Variants in RGMB observed in about 807,000 individuals in gnomAD.
The protein encoded by RGMB is repulsive guidance molecule B.
Under a neutral mutation model 26.9 loss-of-function variants are expected in RGMB, and 16 were observed. The observed-to-expected ratio is 0.60, with a 90% CI of 0.40 to 0.90. RGMB has a LOEUF of 0.90. RGMB is among the 40% of genes least tolerant of loss of function. The pLI, the probability that RGMB is intolerant of heterozygous loss-of-function variation, is 0.00. For missense variants in RGMB, 512 were observed against 573.3 expected (o/e 0.89, Z 1.09); for synonymous variants, 225 against 229.3 (o/e 0.98, Z 0.17).
intron 2 of RGMB, among the ~76,000 whole-genome samples, chr5:98,791,928 A>AT (rs570145007): frequency 6.6e-6 from 1 of 152,110 alleles, no homozygotes; most frequent in East Asian, 1.9e-4. Context: ...ATTATTAGTA[A>AT]TTTTTTTTCT....
At chr5:98,773,217 A>T (rs1420052066), upstream of RGMB, 1 of 151,146 alleles carries the variant, frequency 6.6e-6, no homozygotes, top group Non-Finnish European at 1.5e-5. Flanking sequence ...TGGCAGGGCC[A>T]GGGCAGGGAG....
chr5:98,779,515 T>C, intron 1 of RGMB, 65 bp from the exon 2 acceptor site: 1 of 1,417,156 alleles, frequency 7.1e-7, no homozygotes, highest in Non-Finnish European at 9.4e-7. Flanking sequence ...CAATGTGATT[T>C]TCTCATGTAG....
upstream of RGMB, chr5:98,770,510 G>A (rs2112324110): frequency 1.8e-6 from 1 of 541,330 alleles, no homozygotes; most frequent in Non-Finnish European, 2.9e-6. Context: ...TCTACGAGCG[G>A]GTGATGAGCC....
chr5:98,786,022 TA>T (rs1294987135), intron 2 of RGMB, among the ~76,000 whole-genome samples: 1 of 152,242 alleles, frequency 6.6e-6, no homozygotes, highest in African/African-American at 2.4e-5. Context: ...GGGAAATTGC[TA>T]GCTGTGTAAT....
Position 98,793,663 on chromosome 5 carries a change from C to A in RGMB, c.1224C>A (p.Phe408Leu). The A allele has an allele frequency of 6.2e-7, 1 of 1,613,862 alleles. No individual in the cohort carries two copies. Among genetic ancestry groups the A allele is most frequent in the East Asian group, 2.2e-5 (1 of 44,876 alleles). Reference protein sequence around the residue: ...LHPRKERWHIFPSSGNGTPRG... With the variant: ...LHPRKERWHILPSSGNGTPRG... Reference sequence around the variant, plus strand: ...CAAGGAAGGAACGCTGGCACATTTTCCCCAGCAGTGGCAATGGGACTCCCC... The same window carrying A: ...CAAGGAAGGAACGCTGGCACATTTTACCCAGCAGTGGCAATGGGACTCCCC... Residue 408 changes from phenylalanine (F) to leucine (L), a missense_variant, in exon 3 of 3, where the codon TTC (phenylalanine) becomes TTA (leucine). Transcript: ENST00000513185.
In RGMB at chr5:98,793,512, G is replaced by C; in HGVS notation, c.1073G>C (p.Cys358Ser). ...GYTLETANTQ[C>S]HEKMPVKDIY... Reference sequence around the variant, plus strand: ...ACACTGGAGACTGCCAACACTCAATGCCATGAGAAGATGCCAGTGAAGGAC... The same window carrying C: ...ACACTGGAGACTGCCAACACTCAATCCCATGAGAAGATGCCAGTGAAGGAC... Residue 358 changes from cysteine (C) to serine (S), a missense_variant, in exon 3 of 3, where the codon TGC becomes TCC. Physicochemically the swap from Cys to Ser is moderately radical, Grantham distance 112 (BLOSUM62 -1). Transcript: ENST00000513185. The C allele has an allele frequency of 6.2e-7, 1 of 1,613,908 alleles. No individual in the cohort carries two copies. Among genetic ancestry groups the C allele is most frequent in the Middle Eastern group, 1.7e-4 (1 of 6,058 alleles).
At chr5:98,769,258 G>C (rs1269169092), upstream of RGMB, 1 of 152,252 alleles carries the variant, frequency 6.6e-6, no homozygotes, top group Non-Finnish European at 1.5e-5. Flanking sequence ...GCGATATAGG[G>C]GTTGCCGGGG....
intron 2 of RGMB, chr5:98,792,769 C>G (rs576485588): frequency 5.2e-4 from 76 of 147,382 alleles, no homozygotes; most frequent in Admixed American, 2.1e-3. Context: ...GACCCTGTCA[C>G]TTAAAAAAAA....
In RGMB at chr5:98,793,514, C is replaced by T. The variant is rs1359276467; in HGVS notation, c.1075C>T (p.His359Tyr). The T allele has an allele frequency of 1.2e-6, 2 of 1,613,938 alleles. No homozygotes were observed. Among genetic ancestry groups the T allele is most frequent in the South Asian group, 1.1e-5 (1 of 91,054 alleles). ...YTLETANTQC[H>Y]EKMPVKDIYF... ...ACTGGAGACTGCCAACACTCAATGC[C>T]ATGAGAAGATGCCAGTGAAGGACAT... The change falls in exon 3 of 3, where the codon CAT becomes TAT. Residue 359 changes from histidine (H) to tyrosine (Y), a missense_variant. By Grantham distance (83) the His-to-Tyr change is moderately conservative. Coordinates refer to ENST00000513185, the MANE Select transcript of RGMB (RefSeq NM_001366508.1).
At chr5:98,783,053 C>G (rs75587303) in intron 2 of RGMB, among the ~76,000 whole-genome samples, 6,298 of 152,248 alleles carry the variant, frequency 0.041, 163 homozygotes, top group Non-Finnish European at 0.065. Context: ...CCACCATGGC[C>G]CTCTCCTCCC....
chr5:98,770,389 G>C, upstream of RGMB: 1 of 394,352 alleles, frequency 2.5e-6, no homozygotes. Context: ...AAATGGACAG[G>C]AAGCGCATTA....
Position 98,774,157 on chromosome 5 carries a change from G to A in RGMB, c.87G>A (p.Pro29=). The A allele has an allele frequency of 6.7e-7, 1 of 1,498,566 alleles. No individual in the cohort carries two copies. Among genetic ancestry groups the A allele is most frequent in the East Asian group, 2.7e-5 (1 of 36,364 alleles). 92.8% of individuals were successfully genotyped at this position (1,498,566 alleles called of 1,614,324 possible). The change falls in exon 1 of 3, where the codon CCG becomes CCA. Residue 29 remains proline (P), a synonymous_variant. Transcript: ENST00000513185. ...GCAGCCCCGGGCTCTGCCCCCCGCC[G>A]CTGGAGCTGCTGCTGCTGCTGCTGT... is the stretch of plus-strand genomic sequence containing the variant. ...QRRSPGLCPP[P]LELLLLLLFS... is the part of the protein sequence containing the mutation.
At position 98,784,997 on chromosome 5, in the gene RGMB, C is replaced by G. The variant is rs560785236; in HGVS notation, c.645+4909C>G. ...CTGAGATCGCTCTTTATTTTTGTTA[C>G]AATTACATTGTTGCATGGGTAATTC... On this transcript the variant is annotated intron_variant, in intron 2 of 2. Coordinates refer to ENST00000513185, the MANE Select transcript of RGMB (RefSeq NM_001366508.1). 1.8e-4 allele frequency among the ~76,000 whole-genome samples: 27 copies of G among 152,266 alleles called. No homozygotes were observed. In the South Asian group the frequency reaches 5.4e-3, roughly 30 times the overall value.
In RGMB at chr5:98,779,799, G is replaced by A. The variant is rs1247787990; in HGVS notation, c.356G>A (p.Arg119Lys). 4.3e-6 allele frequency: 7 copies of A among 1,614,028 alleles called. No individual in the cohort carries two copies. Among genetic ancestry groups the A allele is most frequent in the Non-Finnish European group, 5.1e-6 (6 of 1,179,906 alleles). The change falls in exon 2 of 3, where the codon AGG becomes AAG. Residue 119 changes from arginine (R) to lysine (K), a missense_variant. Arg to Lys is a conservative substitution (Grantham distance 26). Coordinates refer to ENST00000513185, the MANE Select transcript of RGMB (RefSeq NM_001366508.1). The stretch of plus-strand genomic sequence containing the variant: ...GGTATCAGTGACCTCATGAGCCAGA[G>A]GAATTGTTCCAAGGATGGACCCACA... ...VLGISDLMSQ[R>K]NCSKDGPTSS...
At chr5:98,772,779 T>A (rs527339529), upstream of RGMB, 1 of 152,274 alleles carries the variant, frequency 6.6e-6, no homozygotes, top group African/African-American at 2.4e-5. Context: ...CCGTAGAAAT[T>A]TGTGGAAAAT....
In RGMB at chr5:98,780,011, A is replaced by G; in HGVS notation, c.568A>G (p.Ile190Val). Reference protein sequence around the residue: ...TCKVEGAWPLIDNNYLSVQVT... With the variant: ...TCKVEGAWPLVDNNYLSVQVT... ...CAAAGTAGAAGGGGCCTGGCCACTC[A>G]TAGATAATAATTATCTTTCAGTTCA... The change falls in exon 2 of 3, where the codon ATA (isoleucine) becomes GTA (valine). Residue 190 changes from isoleucine to valine, a missense_variant. Transcript: ENST00000513185. The G allele has an allele frequency of 6.2e-7, 1 of 1,613,964 alleles. No homozygotes were observed. Among genetic ancestry groups the G allele is most frequent in the Non-Finnish European group, 8.5e-7 (1 of 1,179,858 alleles).
intron 1 of RGMB, among the ~76,000 whole-genome samples, chr5:98,776,186 GATGAA>G (rs1379494608): frequency 6.6e-6 from 1 of 152,172 alleles, no homozygotes; most frequent in Non-Finnish European, 1.5e-5. Flanking sequence ...ATTCAAAAAT[GATGAA>G]ATGAAAGCTC....
intron 1 of RGMB, among the ~76,000 whole-genome samples, chr5:98,774,534 T>C (rs1341638949): frequency 6.6e-6 from 1 of 152,162 alleles, no homozygotes; most frequent in African/African-American, 2.4e-5. Flanking sequence ...CCGGATGCTT[T>C]ATTGCTCTCT....
chr5:98,795,468 A>T lies in RGMB; in HGVS notation c.*1715A>T, dbSNP rs1747088753. The T allele has an allele frequency of 6.6e-6, 1 of 152,240 alleles. No individual in the cohort carries two copies. Among genetic ancestry groups the T allele is most frequent in the South Asian group, 2.1e-4 (1 of 4,830 alleles). 9.4% of individuals were successfully genotyped at this position (152,240 alleles called of 1,614,324 possible). On this transcript the variant is annotated 3_prime_UTR_variant, in exon 3 of 3. Coordinates refer to ENST00000513185, the MANE Select transcript of RGMB (RefSeq NM_001366508.1). ...TTCTTAGCGAACTGATGTGCCACCC[A>T]GTCACAGAGTGGAGTTGTGAATTCA...
Sources: allele counts gnomAD v4.1 joint callset (sites outside exome capture counted in the v4.1 genomes callset), GRCh38; gene constraint gnomAD v4.1.1; transcripts MANE v1.5; gene names NCBI Gene and HGNC (gene_info 2026-07-23, HGNC 2026-07-21).